COX10: variants seen among roughly 807,000 people sequenced by gnomAD.
COX10 encodes the protein protoheme IX farnesyltransferase, mitochondrial.
A neutral mutation model predicts 37.3 loss-of-function variants in COX10; 27 were observed. That is an observed-to-expected ratio of 0.72 (90% confidence interval 0.53 to 1.00). The LOEUF (loss-of-function observed/expected upper bound fraction) is 1.00, where lower values mean the gene tolerates loss of function less well. Ranked by LOEUF, COX10 falls within the 50% of genes least tolerant of loss-of-function variation. The pLI is 0.00. For missense variants in COX10, 475 were observed against 563.2 expected, an observed-to-expected ratio of 0.84 and a Z score of 1.59; for synonymous variants, 222 against 229.1, an observed-to-expected ratio of 0.97 and a Z score of 0.28.
intron 5 of COX10, among the ~76,000 whole-genome samples, chr17:14,172,331 G>A (rs1173758475): frequency 2.6e-5 from 4 of 151,896 alleles, no homozygotes; most frequent in African/African-American, 4.8e-5. Context: ...TTGGGAGATC[G>A]CCATACTATT....
intron 4 of COX10, among the ~76,000 whole-genome samples, chr17:14,139,696 T>A (rs1157030018): frequency 6.6e-6 from 1 of 152,148 alleles, no homozygotes; most frequent in Admixed American, 6.6e-5. Context: ...CAGGTGGGCA[T>A]ATTTGAAGCC....
chr17:14,096,728 A>G (rs919828685), intron 3 of COX10, among the ~76,000 whole-genome samples: 1 of 152,170 alleles, frequency 6.6e-6, no homozygotes, highest in African/African-American at 2.4e-5. Context: ...CATAGTGGGA[A>G]CTTATTCCTG....
chr17:14,140,916 A>G (rs1046217371), intron 4 of COX10, among the ~76,000 whole-genome samples: 2 of 152,178 alleles, frequency 1.3e-5, no homozygotes, highest in Non-Finnish European at 2.9e-5. Flanking sequence ...ATAAATGATT[A>G]AGGAAATGAT....
At chr17:14,145,330 C>T (rs976491719) in intron 4 of COX10, among the ~76,000 whole-genome samples, 2 of 152,058 alleles carry the variant, frequency 1.3e-5, no homozygotes, top group African/African-American at 2.4e-5. Flanking sequence ...ATCCTCTTGT[C>T]CTATAAGGTG....
chr17:14,183,273 C>T (rs879319951), intron 5 of COX10, among the ~76,000 whole-genome samples: 2 of 151,610 alleles, frequency 1.3e-5, no homozygotes, highest in Non-Finnish European at 2.9e-5. Flanking sequence ...GATTTGCATG[C>T]GTGAGTGAAT....
rs1916436558 is a variant in COX10 at position 14,130,345 on chromosome 17, C to A, written c.624+28103C>A. On this transcript the variant is annotated intron_variant, in intron 4 of 6. Coordinates refer to ENST00000261643, the MANE Select transcript of COX10 (RefSeq NM_001303.4). ...AATGATTACAAGATTTGAAGCCCAT[C>A]ACTGCCTCTGATGTGCAATTTCATA... Among the ~76,000 whole-genome samples the A allele has an allele frequency of 2.0e-5, 3 of 152,274 alleles. No homozygotes were observed. The South Asian group carries it at 6.2e-4, about 32-fold the overall frequency.
At chr17:14,100,580 G>A (rs867074257) in intron 3 of COX10, among the ~76,000 whole-genome samples, 2 of 152,142 alleles carry the variant, frequency 1.3e-5, no homozygotes, top group South Asian at 2.1e-4. Context: ...CAAGAACCCA[G>A]GGACAAGAAA....
At chr17:14,154,262 T>C (rs969193290) in intron 4 of COX10, among the ~76,000 whole-genome samples, 1 of 152,338 alleles carries the variant, frequency 6.6e-6, no homozygotes, top group African/African-American at 2.4e-5. Flanking sequence ...AGTTTAACTA[T>C]GTGTAGGTTC....
intron 4 of COX10, among the ~76,000 whole-genome samples, chr17:14,144,030 G>A (rs952403276): frequency 6.6e-6 from 1 of 152,100 alleles, no homozygotes; most frequent in South Asian, 2.1e-4. Flanking sequence ...ACTCCTGAGG[G>A]ATTAATGTGT....
chr17:14,204,529 A>C (rs1218768765), intron 6 of COX10, among the ~76,000 whole-genome samples: 1 of 151,670 alleles, frequency 6.6e-6, no homozygotes, highest in African/African-American at 2.4e-5. Context: ...AATTCCTTCC[A>C]AATTTATCTT....
chr17:14,127,927 ATGTGTGTGTGTGTGTGTG>A (rs67774468), intron 4 of COX10, among the ~76,000 whole-genome samples: 1 of 143,598 alleles, frequency 7.0e-6, no homozygotes, highest in Non-Finnish European at 1.5e-5. Context: ...GAGTGTGTGT[ATGTGTGTGTGTGTGTGTG>A]TGTGTGTGTG....
intron 4 of COX10, among the ~76,000 whole-genome samples, chr17:14,129,470 G>C (rs1293303111): frequency 6.6e-6 from 1 of 152,100 alleles, no homozygotes; most frequent in Non-Finnish European, 1.5e-5. Flanking sequence ...CATTCTGTCT[G>C]AATCAGTTAA....
chr17:14,197,430 T>G (rs1906399572), intron 6 of COX10, among the ~76,000 whole-genome samples: 1 of 152,126 alleles, frequency 6.6e-6, no homozygotes, highest in Admixed American at 6.5e-5. Context: ...GGATTCTGAT[T>G]TTTTTTCCCC....
chr17:14,093,527 C>G (rs551776799), intron 3 of COX10, among the ~76,000 whole-genome samples: 1 of 152,306 alleles, frequency 6.6e-6, no homozygotes, highest in African/African-American at 2.4e-5. Flanking sequence ...TTCTCTGCTG[C>G]CCTGCAAAGT....
chr17:14,142,187 C>A (rs1288152501), intron 4 of COX10, among the ~76,000 whole-genome samples: 1 of 152,146 alleles, frequency 6.6e-6, no homozygotes, highest in Non-Finnish European at 1.5e-5. Flanking sequence ...AAAACCTTTT[C>A]TTTTTGGAAG....
chr17:14,090,170 C>T (rs565634206), intron 3 of COX10, among the ~76,000 whole-genome samples: 6 of 152,004 alleles, frequency 3.9e-5, no homozygotes, highest in South Asian at 4.2e-4. Context: ...CTGAATCACT[C>T]GAGGGAAGCA....
In COX10 at chr17:14,203,969, C is replaced by T. The variant is rs140084268; in HGVS notation, c.929-2841C>T. Among the ~76,000 whole-genome samples, 461 of 152,144 alleles carry T rather than the reference C, an allele frequency of 3.0e-3. 1 individual carries two copies. Among genetic ancestry groups the T allele is most frequent in the Non-Finnish European group, 5.3e-3 (363 of 67,992 alleles). On this transcript the variant is annotated intron_variant, in intron 6 of 6. Transcript: ENST00000261643. The stretch of plus-strand genomic sequence containing the variant: ...CAGGGACCCCATGGAGAAGGTGGTT[C>T]CAGAGGAGGGGAAGGAGAAGATAGA...
At chr17:14,170,137 G>A (rs1412549805) in intron 5 of COX10, among the ~76,000 whole-genome samples, 1 of 152,122 alleles carries the variant, frequency 6.6e-6, no homozygotes, top group Non-Finnish European at 1.5e-5. Flanking sequence ...ACAGAACAGT[G>A]AGCTAAGTAA....
intron 4 of COX10, among the ~76,000 whole-genome samples, chr17:14,142,635 AT>A (rs1904580523): frequency 6.6e-6 from 1 of 152,196 alleles, no homozygotes. Context: ...GAACTCTATT[AT>A]ATCTTTTCTT....
Sources: allele counts gnomAD v4.1 joint callset (sites outside exome capture counted in the v4.1 genomes callset), GRCh38; gene constraint gnomAD v4.1.1; transcripts MANE v1.5; gene names NCBI Gene and HGNC (gene_info 2026-07-23, HGNC 2026-07-21).